HDAC9: variants seen among roughly 807,000 people sequenced by gnomAD.
HDAC9 encodes histone deacetylase 9, also known as MEF-2 interacting transcription repressor (MITR) protein.
A neutral mutation model predicts 139.4 loss-of-function variants in HDAC9; 41 were observed. That is an observed-to-expected ratio of 0.29 (90% CI 0.23 to 0.38). The LOEUF is 0.38. Among genes scored for constraint, HDAC9 ranks in the 10% least tolerant of loss-of-function variants. The pLI, the probability that HDAC9 is intolerant of heterozygous loss-of-function variation, is 1.00. For synonymous variants in HDAC9, 517 were observed against 476.2 expected (o/e 1.09, Z -1.12); for missense variants, 1,147 against 1,297.0 (o/e 0.88, Z 1.78).
intron 1 of HDAC9, among the ~76,000 whole-genome samples, chr7:18,437,433 C>CT (rs1396313768): frequency 6.6e-6 from 1 of 151,896 alleles, no homozygotes; most frequent in Non-Finnish European, 1.5e-5. Context: ...CATCTATACT[C>CT]TGTTTTTAAA....
At chr7:18,264,689 A>G (rs2128209100) in intron 2 of HDAC9, among the ~76,000 whole-genome samples, 1 of 152,318 alleles carries the variant, frequency 6.6e-6, no homozygotes, top group African/African-American at 2.4e-5. Flanking sequence ...TCCTGTTAAG[A>G]CATTCTTGCC....
At chr7:18,567,829 A>G (rs1822888362) in intron 2 of HDAC9, among the ~76,000 whole-genome samples, 1 of 151,904 alleles carries the variant, frequency 6.6e-6, no homozygotes, top group South Asian at 2.1e-4. Flanking sequence ...GGTGTATAAG[A>G]TGTTTCTTTA....
intron 2 of HDAC9, among the ~76,000 whole-genome samples, chr7:18,508,864 A>C (rs1800592202): frequency 6.6e-6 from 1 of 152,208 alleles, no homozygotes; most frequent in South Asian, 2.1e-4. Flanking sequence ...TATTTAATTC[A>C]GGTAGATCAT....
chr7:18,534,317 G>T (rs991590500), intron 2 of HDAC9, among the ~76,000 whole-genome samples: 6 of 152,200 alleles, frequency 3.9e-5, no homozygotes, highest in African/African-American at 9.7e-5. Context: ...CACTTTGGGA[G>T]GCTGAGGCAG....
At chr7:18,794,210 C>T (rs943505832) in intron 17 of HDAC9, among the ~76,000 whole-genome samples, 6 of 152,210 alleles carry the variant, frequency 3.9e-5, no homozygotes, top group African/African-American at 1.4e-4. Context: ...CTAGTTCACA[C>T]ACTTCATGAC....
At chr7:18,688,319 C>A (rs925773287) in intron 12 of HDAC9, among the ~76,000 whole-genome samples, 2 of 151,712 alleles carry the variant, frequency 1.3e-5, no homozygotes, top group Non-Finnish European at 3.0e-5. Context: ...ACTGCTGACA[C>A]CGGGAATGCA....
intron 1 of HDAC9, among the ~76,000 whole-genome samples, chr7:18,378,214 T>G (rs898736248): frequency 2.0e-5 from 3 of 152,152 alleles, no homozygotes; most frequent in African/African-American, 7.2e-5. Flanking sequence ...AATCAGCAGG[T>G]GACAAGTCAA....
chr7:18,638,350 G>T (rs146295393), intron 8 of HDAC9, among the ~76,000 whole-genome samples: 1 of 152,024 alleles, frequency 6.6e-6, no homozygotes, highest in African/African-American at 2.4e-5. Flanking sequence ...TAATTCACAT[G>T]TCCTGCCTAA....
At chr7:18,403,452 C>T (rs1395326824) in intron 1 of HDAC9, among the ~76,000 whole-genome samples, 1 of 152,124 alleles carries the variant, frequency 6.6e-6, no homozygotes, top group East Asian at 1.9e-4. Flanking sequence ...CACGCTGTTG[C>T]ACTTGTTATT....
At chr7:18,876,912 G>T (rs1799361914) in intron 22 of HDAC9, among the ~76,000 whole-genome samples, 1 of 152,006 alleles carries the variant, frequency 6.6e-6, no homozygotes, top group African/African-American at 2.4e-5. Flanking sequence ...ATGTTGGTCA[G>T]GCTGGTCTCG....
intron 2 of HDAC9, among the ~76,000 whole-genome samples, chr7:18,194,967 T>G (rs1201370781): frequency 6.6e-6 from 1 of 151,728 alleles, no homozygotes; most frequent in Middle Eastern, 3.4e-3. Flanking sequence ...TGTGTGGTGT[T>G]CTTGGCATTA....
At chr7:18,977,573 G>A (rs2129338928) in intron 25 of HDAC9, among the ~76,000 whole-genome samples, 1 of 152,244 alleles carries the variant, frequency 6.6e-6, no homozygotes, top group Admixed American at 6.5e-5. Context: ...GGTAAATAGT[G>A]TGCTTGACTC....
intron 1 of HDAC9, among the ~76,000 whole-genome samples, chr7:18,145,239 A>G (rs1007183901): frequency 6.6e-6 from 1 of 152,216 alleles, no homozygotes; most frequent in Non-Finnish European, 1.5e-5. Flanking sequence ...CTTTGCTTTC[A>G]TGGAGCTTGT....
At chr7:18,859,626 C>A (rs556966453) in intron 21 of HDAC9, among the ~76,000 whole-genome samples, 1 of 151,030 alleles carries the variant, frequency 6.6e-6, no homozygotes, top group South Asian at 2.1e-4. Context: ...AAAAATAATA[C>A]ACACTTTTTC....
At chr7:18,444,163 A>T (rs1792066660) in intron 1 of HDAC9, among the ~76,000 whole-genome samples, 1 of 151,616 alleles carries the variant, frequency 6.6e-6, no homozygotes, top group Non-Finnish European at 1.5e-5. Context: ...ATATGGTGAA[A>T]CCCCTTCTCT....
chr7:18,491,959 C>A (rs116508325), upstream of HDAC9, among the ~76,000 whole-genome samples: 1 of 152,064 alleles, frequency 6.6e-6, no homozygotes, highest in African/African-American at 2.4e-5. Context: ...AGTGACATCT[C>A]AAATTGAATC....
rs572012521 is a variant in HDAC9 at position 18,205,819 on chromosome 7, A to T, written c.25+43470A>T. Reference sequence around the variant, plus strand: ...ATGGATATTATTTGTGACAGTCTACAGGTAATTCAGTGTTTGATTTATTTC... The same window carrying T: ...ATGGATATTATTTGTGACAGTCTACTGGTAATTCAGTGTTTGATTTATTTC... On this transcript the variant is annotated intron_variant, in intron 2 of 12. Coordinates refer to the HDAC9 transcript ENST00000417496. 2.6e-5 allele frequency among the ~76,000 whole-genome samples: 4 copies of T among 152,254 alleles called. No homozygotes were observed. The East Asian group carries it at 7.7e-4, about 29-fold the overall frequency.
chr7:18,801,814 C>G (rs567576171), intron 17 of HDAC9, among the ~76,000 whole-genome samples: 30 of 151,942 alleles, frequency 2.0e-4, no homozygotes, highest in African/African-American at 7.0e-4. Context: ...TGTATTTTTT[C>G]TTGACATTTA....
rs747331523 is a variant in HDAC9 at position 18,148,128 on chromosome 7, T to C, written c.-96-14101T>C. ...ATTGTTGGGTCACTTACTAGTTTCC[T>C]ATTGCTACTGAAACAAATTATCCTA... On this transcript the variant is annotated intron_variant, in intron 1 of 12. Transcript: ENST00000417496. Among the ~76,000 whole-genome samples, 12 of 152,234 alleles carry C rather than the reference T, an allele frequency of 7.9e-5. 1 individual carries two copies. The highest frequency in any genetic ancestry group is 6.5e-4 in the Admixed American group (10 of 15,288).
Sources: allele counts gnomAD v4.1 joint callset (sites outside exome capture counted in the v4.1 genomes callset), GRCh38; gene constraint gnomAD v4.1.1; transcripts MANE v1.5; gene names NCBI Gene and HGNC (gene_info 2026-07-23, HGNC 2026-07-21).